Variants in RNF217 observed in about 807,000 individuals in gnomAD.
RNF217 encodes E3 ubiquitin-protein ligase RNF217.
In RNF217, 31 loss-of-function variants were observed where a neutral mutation model predicts 57.8. The observed-to-expected ratio is 0.54, with a 90% confidence interval of 0.40 to 0.72. The LOEUF (loss-of-function observed/expected upper bound fraction) is 0.72. RNF217 is among the 30% of genes least tolerant of loss of function. The pLI, the probability that RNF217 is intolerant of heterozygous loss-of-function variation, is 0.00. For missense variants in RNF217, 696 were observed against 708.3 expected (o/e 0.98, Z 0.20); for synonymous variants, 313 against 294.0 (o/e 1.06, Z -0.66).
intron 3 of RNF217, among the ~76,000 whole-genome samples, chr6:125,076,059 G>A (rs775487059): frequency 2.2e-4 from 34 of 152,070 alleles, no homozygotes; most frequent in Admixed American, 1.8e-3. Context: ...AACAATAGAG[G>A]AAGGTGCTTA....
chr6:125,040,067 CAG>C (rs1429257384), intron 1 of RNF217, among the ~76,000 whole-genome samples: 1 of 152,002 alleles, frequency 6.6e-6, no homozygotes, highest in Non-Finnish European at 1.5e-5. Flanking sequence ...CAAAAGCTAA[CAG>C]AAGACAAAAA....
chr6:125,007,843 C>T (rs1785249185), intron 1 of RNF217, among the ~76,000 whole-genome samples: 1 of 152,144 alleles, frequency 6.6e-6, no homozygotes, highest in Non-Finnish European at 1.5e-5. Context: ...TAGTACTGAA[C>T]ACTATATATA....
intron 1 of RNF217, among the ~76,000 whole-genome samples, chr6:124,963,959 T>A (rs1201740131): frequency 6.6e-6 from 1 of 152,242 alleles, no homozygotes; most frequent in Admixed American, 6.5e-5. Flanking sequence ...TTTTCCACAG[T>A]AAAGTTGAAG....
In RNF217 at chr6:124,988,315, G is replaced by A. The variant is rs186304317; in HGVS notation, c.882+24889G>A. ...ATTAAATGGTCTATGGCAGTTTTTC[G>A]TATTCTGAAAAGTTTCAACCTAAGC... On this transcript the variant is annotated intron_variant, in intron 1 of 5. Transcript: ENST00000521654. Among the ~76,000 whole-genome samples the A allele has an allele frequency of 3.4e-4, 51 of 152,202 alleles. 1 individual carries two copies. In the South Asian group the frequency reaches 3.7e-3, roughly 11 times the overall value.
intron 3 of RNF217, among the ~76,000 whole-genome samples, chr6:125,068,284 A>G (rs1017001064): frequency 2.0e-5 from 3 of 152,256 alleles, no homozygotes; most frequent in Non-Finnish European, 4.4e-5. Flanking sequence ...GTGCTTCTCA[A>G]TTAGTAGATA....
chr6:125,001,755 A>C (rs1445390339), intron 1 of RNF217, among the ~76,000 whole-genome samples: 1 of 152,210 alleles, frequency 6.6e-6, no homozygotes, highest in Non-Finnish European at 1.5e-5. Context: ...TTCATGCATC[A>C]CTGCATTGAT....
chr6:125,077,381 G>A (rs1788418096), intron 4 of RNF217, among the ~76,000 whole-genome samples: 1 of 152,156 alleles, frequency 6.6e-6, no homozygotes, highest in South Asian at 2.1e-4. Context: ...ATAGGTAACA[G>A]TTAATATAAT....
At chr6:125,027,664 A>G (rs1026062363) in intron 1 of RNF217, among the ~76,000 whole-genome samples, 5 of 152,190 alleles carry the variant, frequency 3.3e-5, no homozygotes, top group African/African-American at 1.2e-4. Context: ...TTTTGGGTAT[A>G]TACCCAGCAG....
At chr6:125,069,801 C>T (rs1788071087) in intron 3 of RNF217, among the ~76,000 whole-genome samples, 1 of 152,114 alleles carries the variant, frequency 6.6e-6, no homozygotes. Context: ...TCACCAGCAT[C>T]TGTTGTTTTT....
intron 1 of RNF217, among the ~76,000 whole-genome samples, chr6:125,013,911 T>G (rs1785511868): frequency 6.6e-6 from 1 of 152,224 alleles, no homozygotes; most frequent in African/African-American, 2.4e-5. Flanking sequence ...TTATGAAATG[T>G]GTTAACATAA....
chr6:125,029,745 T>C (rs1786269303), intron 1 of RNF217, among the ~76,000 whole-genome samples: 1 of 152,188 alleles, frequency 6.6e-6, no homozygotes, highest in South Asian at 2.1e-4. Flanking sequence ...GAAATGATCT[T>C]GTCATTATAT....
In RNF217 at chr6:125,082,397, G is replaced by T. The variant is rs1214310517; in HGVS notation, c.1556-467G>T. 3.4e-6 allele frequency: 5 copies of T among 1,487,916 alleles called. No individual in the cohort carries two copies. In the African/African-American group the frequency reaches 4.2e-5, roughly 13 times the overall value. 92.2% of individuals were successfully genotyped at this position (1,487,916 alleles called of 1,614,324 possible). A position where few individuals can be genotyped will look rare whatever the true frequency, so the allele number is the denominator to read the frequency against. On this transcript the variant is annotated intron_variant, in intron 5 of 5. Coordinates refer to ENST00000521654, the MANE Select transcript of RNF217 (RefSeq NM_001286398.3). The stretch of plus-strand genomic sequence containing the variant: ...TAAAGTATCTGACATTTAAGTTCTT[G>T]CAATGTGAGTTAGGACATTATGTAA...
chr6:125,057,383 T>C (rs1787562371), intron 2 of RNF217, among the ~76,000 whole-genome samples: 1 of 152,156 alleles, frequency 6.6e-6, no homozygotes, highest in African/African-American at 2.4e-5. Context: ...GGTTTCACCA[T>C]GTTGGCCAGG....
Position 125,084,652 on chromosome 6 carries a change from T to C in RNF217, c.*1715T>C, listed in dbSNP as rs1402260207. ...GCGTGAATAACAATCCAGCATGCTTTCATTCTTTCTGAATAACACAGAATA... is the reference window on the plus strand; with the variant it reads ...GCGTGAATAACAATCCAGCATGCTTCCATTCTTTCTGAATAACACAGAATA... On this transcript the variant is annotated 3_prime_UTR_variant, in exon 6 of 6. Coordinates refer to ENST00000521654, the MANE Select transcript of RNF217 (RefSeq NM_001286398.3). The C allele has an allele frequency of 2.0e-5, 3 of 152,038 alleles. No individual in the cohort carries two copies. The highest frequency in any genetic ancestry group is 4.4e-5 in the Non-Finnish European group (3 of 67,912). The allele number at this position is 152,038 out of a possible 1,614,324, so 9.4% of individuals were successfully genotyped here.
chr6:125,052,284 TTGTGTG>T (rs368469313), intron 2 of RNF217, among the ~76,000 whole-genome samples: 2,210 of 143,218 alleles, frequency 0.015, 27 homozygotes, highest in Middle Eastern at 0.042. Flanking sequence ...GTCATGCGTT[TTGTGTG>T]TGTGTGTGTG....
chr6:125,045,687 T>C (rs542485978), intron 2 of RNF217, among the ~76,000 whole-genome samples: 1 of 152,224 alleles, frequency 6.6e-6, no homozygotes, highest in African/African-American at 2.4e-5. Context: ...AGTAACCTTA[T>C]AGGAAGGCTG....
chr6:124,970,593 T>G (rs1783725861), intron 1 of RNF217, among the ~76,000 whole-genome samples: 1 of 152,150 alleles, frequency 6.6e-6, no homozygotes, highest in South Asian at 2.1e-4. Flanking sequence ...CGTCTGGCAT[T>G]CAGAAGAGAG....
chr6:124,994,277 G>GT (rs1784667667), intron 1 of RNF217, among the ~76,000 whole-genome samples: 1 of 151,830 alleles, frequency 6.6e-6, no homozygotes, highest in Admixed American at 6.6e-5. Flanking sequence ...ATTTTGTTGC[G>GT]TATCTATTCC....
At chr6:124,974,059 C>G (rs1582656594) in intron 1 of RNF217, among the ~76,000 whole-genome samples, 1 of 152,120 alleles carries the variant, frequency 6.6e-6, no homozygotes, top group African/African-American at 2.4e-5. Context: ...TGCAGGCTGG[C>G]CTCCCCCGGA....
Sources: allele counts gnomAD v4.1 joint callset (sites outside exome capture counted in the v4.1 genomes callset), GRCh38; gene constraint gnomAD v4.1.1; transcripts MANE v1.5; gene names NCBI Gene and HGNC (gene_info 2026-07-23, HGNC 2026-07-21).